SLCO1B1: variants seen among roughly 807,000 people sequenced by gnomAD.
SLCO1B1 encodes solute carrier organic anion transporter family member 1B1, also known as OATP-2.
A neutral mutation model predicts 70.1 loss-of-function variants in SLCO1B1; 81 were observed. The observed-to-expected ratio is 1.16, with a 90% CI of 0.97 to 1.39. SLCO1B1 has a LOEUF of 1.39. Among genes scored for constraint, SLCO1B1 ranks in the 40% most tolerant of loss-of-function variants. The pLI is 0.00. For missense variants in SLCO1B1, 895 were observed against 799.6 expected, an observed-to-expected ratio of 1.12 and a Z score of -1.44; for synonymous variants, 283 against 271.5, an observed-to-expected ratio of 1.04 and a Z score of -0.42.
chr12:21,131,875 T>C (rs1014887073), intron 1 of SLCO1B1, among the ~76,000 whole-genome samples: 4 of 152,212 alleles, frequency 2.6e-5, no homozygotes, highest in Non-Finnish European at 5.9e-5. Flanking sequence ...TTAGGGTACA[T>C]GTGCACAACA....
intron 2 of SLCO1B1, among the ~76,000 whole-genome samples, chr12:21,164,512 C>T (rs958584565): frequency 6.6e-6 from 1 of 152,062 alleles, no homozygotes; most frequent in African/African-American, 2.4e-5. Context: ...TCTAACAGAT[C>T]TCTTTTTCCT....
At chr12:21,137,077 AG>A (rs1940234262) in intron 1 of SLCO1B1, among the ~76,000 whole-genome samples, 1 of 152,056 alleles carries the variant, frequency 6.6e-6, no homozygotes, top group East Asian at 1.9e-4. Flanking sequence ...CAGGTCTGTT[AG>A]AGTTTGCTAG....
rs1940620084 is a variant in SLCO1B1 at position 21,161,573 on chromosome 12, C to T, written c.85-11077C>T. Among the ~76,000 whole-genome samples the T allele has an allele frequency of 2.0e-5, 3 of 152,040 alleles. No homozygotes were observed. The South Asian group carries it at 6.2e-4, about 32-fold the overall frequency. On this transcript the variant is annotated intron_variant, in intron 2 of 14. Coordinates refer to ENST00000256958, the MANE Select transcript of SLCO1B1 (RefSeq NM_006446.5). Reference sequence around the variant, plus strand: ...GAAGAAATAACTATTGAGTACTAGGCTTAATACCTGAGTGATGAAATAATC... The same window carrying T: ...GAAGAAATAACTATTGAGTACTAGGTTTAATACCTGAGTGATGAAATAATC...
chr12:21,142,644 C>T (rs1473072631), intron 2 of SLCO1B1, among the ~76,000 whole-genome samples: 1 of 151,942 alleles, frequency 6.6e-6, no homozygotes, highest in African/African-American at 2.4e-5. Context: ...ATAAAGCCTT[C>T]TCTGATGAAA....
chr12:21,205,677 ATAAAT>A (rs1941207067), intron 10 of SLCO1B1, among the ~76,000 whole-genome samples, 186 bp from the exon 11 acceptor site: 1 of 151,616 alleles, frequency 6.6e-6, no homozygotes, highest in Admixed American at 6.6e-5. Flanking sequence ...AGAGCGTAAA[ATAAAT>A]AAGCATTAAA....
chr12:21,175,155 G>C (rs1234009530), intron 4 of SLCO1B1, among the ~76,000 whole-genome samples: 1 of 152,056 alleles, frequency 6.6e-6, no homozygotes, highest in African/African-American at 2.4e-5. Context: ...ATGGCACATG[G>C]GGGAGAAACT....
chr12:21,219,357 A>C (rs1247955607), intron 12 of SLCO1B1, among the ~76,000 whole-genome samples: 1 of 152,228 alleles, frequency 6.6e-6, no homozygotes, highest in Non-Finnish European at 1.5e-5. Context: ...GCAAGGTAGA[A>C]GAAAGGTCAG....
chr12:21,148,021 T>C (rs1369006248), intron 2 of SLCO1B1, among the ~76,000 whole-genome samples: 3 of 152,238 alleles, frequency 2.0e-5, no homozygotes, highest in African/African-American at 7.2e-5. Context: ...GAGAAGTGTC[T>C]GTTCATATCC....
chr12:21,189,041 C>A (rs1940995636), intron 7 of SLCO1B1, among the ~76,000 whole-genome samples: 1 of 152,146 alleles, frequency 6.6e-6, no homozygotes, highest in African/African-American at 2.4e-5. Flanking sequence ...GTTTTTACAG[C>A]TAGCTATTAT....
At chr12:21,233,657 C>A (rs1470020269) in intron 14 of SLCO1B1, among the ~76,000 whole-genome samples, 2 of 151,634 alleles carry the variant, frequency 1.3e-5, no homozygotes, top group African/African-American at 2.4e-5. Flanking sequence ...GCCAAACCAA[C>A]TGGGAGAAGA....
intron 2 of SLCO1B1, among the ~76,000 whole-genome samples, chr12:21,158,209 A>G (rs921107266): frequency 6.6e-6 from 1 of 152,262 alleles, no homozygotes; most frequent in Non-Finnish European, 1.5e-5. Context: ...TAAGTATATT[A>G]AGTAAAGTAA....
intron 2 of SLCO1B1, among the ~76,000 whole-genome samples, chr12:21,170,014 T>C (rs1940738033): frequency 6.6e-6 from 1 of 152,156 alleles, no homozygotes; most frequent in Admixed American, 6.5e-5. Flanking sequence ...TAGAAGACCC[T>C]CCCCTGGGGC....
intron 2 of SLCO1B1, among the ~76,000 whole-genome samples, chr12:21,151,639 ATAT>A (rs1283820848): frequency 6.6e-6 from 1 of 152,080 alleles, no homozygotes; most frequent in Non-Finnish European, 1.5e-5. Context: ...TTTCTGATTT[ATAT>A]TATTTTATCT....
chr12:21,205,923 T>G lies in SLCO1B1; in HGVS notation c.1387T>G (p.Cys463Gly). 6.2e-7 allele frequency: 1 copy of G among 1,611,436 alleles called. No individual in the cohort carries two copies. The highest frequency in any genetic ancestry group is 8.5e-7 in the Non-Finnish European group (1 of 1,177,976). ...ACCACTTTCTTATTGCAACTCAGAC[T>G]GCAATTGTGATGAAAGTCAATGGGA... ...DVPLSYCNSD[C>G]NCDESQWEPV... The change falls in exon 11 of 15, where the codon TGC becomes GGC. Residue 463 changes from cysteine to glycine, a missense_variant. Coordinates refer to ENST00000256958, the MANE Select transcript of SLCO1B1 (RefSeq NM_006446.5).
At chr12:21,160,761 G>T (rs1332026049) in intron 2 of SLCO1B1, among the ~76,000 whole-genome samples, 8 of 152,104 alleles carry the variant, frequency 5.3e-5, no homozygotes, top group Admixed American at 5.2e-4. Context: ...TTACAAATAT[G>T]CATCTAACAA....
intron 1 of SLCO1B1, among the ~76,000 whole-genome samples, chr12:21,131,520 A>C (rs2121014298): frequency 6.6e-6 from 1 of 152,208 alleles, no homozygotes; most frequent in African/African-American, 2.4e-5. Flanking sequence ...ATAAAAATCA[A>C]GTCTCAAAAA....
chr12:21,192,748 A>G (rs74064186), intron 7 of SLCO1B1, among the ~76,000 whole-genome samples: 1,582 of 152,174 alleles, frequency 0.01, 38 homozygotes, highest in South Asian at 0.039. Flanking sequence ...TACTGAGAGC[A>G]AACAATGCCA....
At chr12:21,174,441 A>T in intron 3 of SLCO1B1, 136 bp from the exon 4 acceptor site, 1 of 817,306 alleles carries the variant, frequency 1.2e-6, no homozygotes, top group Non-Finnish European at 2.0e-6. Context: ...AGGTGAATTC[A>T]CCTTCTCAAT....
intron 14 of SLCO1B1, among the ~76,000 whole-genome samples, chr12:21,235,453 A>T (rs1484347822): frequency 5.5e-5 from 8 of 146,768 alleles, no homozygotes; most frequent in Non-Finnish European, 1.0e-4. Flanking sequence ...TACGAGATGG[A>T]TTCCTTAAGG....
Sources: gnomAD v4.1 joint callset for allele counts (sites outside exome capture counted in the v4.1 genomes callset) on GRCh38, gnomAD v4.1.1 for gene constraint, MANE v1.5 for transcripts, NCBI Gene and HGNC (gene_info 2026-07-23, HGNC 2026-07-21) for gene names.